The following SLC44A5 variants were observed in gnomAD, a reference collection of about 807,000 sequenced individuals.
SLC44A5 encodes the protein choline transporter-like protein 5.
In SLC44A5, 57 loss-of-function variants were observed where a neutral mutation model predicts 101.8. That is an observed-to-expected ratio of 0.56 (90% CI 0.45 to 0.70). SLC44A5 has a LOEUF of 0.70. Among genes scored for constraint, SLC44A5 ranks in the 30% least tolerant of loss-of-function variants. The probability of loss-of-function intolerance (pLI) is 0.00; values close to 1 mark genes in which losing one functional copy is unlikely to be tolerated. For synonymous variants in SLC44A5, 281 were observed against 290.9 expected (o/e 0.97, Z 0.35); for missense variants, 737 against 853.1 (o/e 0.86, Z 1.70).
At chr1:75,495,696 C>A (rs1451775095) in intron 2 of SLC44A5, among the ~76,000 whole-genome samples, 3 of 150,818 alleles carry the variant, frequency 2.0e-5, no homozygotes, top group Non-Finnish European at 4.4e-5. Flanking sequence ...GTCAAAAAAG[C>A]AAAAAGAAAA....
chr1:75,374,463 C>T (rs568731683), intron 3 of SLC44A5, among the ~76,000 whole-genome samples: 7 of 152,284 alleles, frequency 4.6e-5, no homozygotes, highest in African/African-American at 1.7e-4. Flanking sequence ...ACCAAAGCCC[C>T]ACTTGATGCT....
chr1:75,623,228 C>T, the SLC44A5 span, among the ~76,000 whole-genome samples: 1 of 151,960 alleles, frequency 6.6e-6, no homozygotes, highest in Non-Finnish European at 1.5e-5. Context: ...AAACAAAAAA[C>T]ATAGTGCTAT....
At chr1:75,470,409 T>C (rs1178884530) in intron 2 of SLC44A5, among the ~76,000 whole-genome samples, 1 of 152,220 alleles carries the variant, frequency 6.6e-6, no homozygotes, top group Non-Finnish European at 1.5e-5. Flanking sequence ...GAAATAATCC[T>C]TCCACAAAAG....
At chr1:75,442,715 T>C (rs922490710) in intron 2 of SLC44A5, among the ~76,000 whole-genome samples, 2 of 152,138 alleles carry the variant, frequency 1.3e-5, no homozygotes, top group African/African-American at 4.8e-5. Context: ...ACTCTTTCAC[T>C]TACTGCAAGA....
chr1:75,483,782 G>C (rs1668003031), intron 2 of SLC44A5, among the ~76,000 whole-genome samples: 1 of 152,134 alleles, frequency 6.6e-6, no homozygotes, highest in South Asian at 2.1e-4. Context: ...AATTTATAAG[G>C]AAAAGAGGTT....
At chr1:75,627,739 A>G in the SLC44A5 span, among the ~76,000 whole-genome samples, 2 of 151,754 alleles carry the variant, frequency 1.3e-5, no homozygotes, top group Non-Finnish European at 2.9e-5. Flanking sequence ...TATTTAATAA[A>G]TACTTTTTAA....
At chr1:75,391,292 A>T (rs999695353) in intron 3 of SLC44A5, among the ~76,000 whole-genome samples, 2 of 152,198 alleles carry the variant, frequency 1.3e-5, no homozygotes, top group African/African-American at 4.8e-5. Context: ...AGCAATATAC[A>T]GATTCAACAT....
At chr1:75,536,953 C>T (rs1218166498) in intron 2 of SLC44A5, among the ~76,000 whole-genome samples, 1 of 122,804 alleles carries the variant, frequency 8.1e-6, no homozygotes, top group Non-Finnish European at 1.6e-5. Flanking sequence ...TTGCAGTGAG[C>T]CGAGATCCCG....
chr1:75,491,548 A>C (rs1213652167), intron 2 of SLC44A5, among the ~76,000 whole-genome samples: 1 of 152,196 alleles, frequency 6.6e-6, no homozygotes, highest in Admixed American at 6.5e-5. Flanking sequence ...AGGTGAGATA[A>C]AATATTGGAT....
intron 7 of SLC44A5, among the ~76,000 whole-genome samples, chr1:75,248,428 A>G (rs1048516203): frequency 6.6e-6 from 1 of 152,150 alleles, no homozygotes; most frequent in Non-Finnish European, 1.5e-5. Flanking sequence ...TTAGAAGCAC[A>G]GGCAGTTCAC....
chr1:75,629,796 T>G, the SLC44A5 span, among the ~76,000 whole-genome samples: 3 of 152,126 alleles, frequency 2.0e-5, no homozygotes, highest in Non-Finnish European at 2.9e-5. Context: ...CAGTGCTTCA[T>G]GATATAAAAG....
the SLC44A5 span, among the ~76,000 whole-genome samples, chr1:75,632,801 T>G: frequency 3.3e-5 from 5 of 152,266 alleles, no homozygotes; most frequent in East Asian, 9.7e-4. Flanking sequence ...TTACCTAACA[T>G]CTCTGCTGAT....
At chr1:75,299,356 A>G (rs1654236414) in intron 5 of SLC44A5, among the ~76,000 whole-genome samples, 1 of 152,102 alleles carries the variant, frequency 6.6e-6, no homozygotes, top group Non-Finnish European at 1.5e-5. Flanking sequence ...TTTGCATGGC[A>G]ATATTGAGAT....
At chr1:75,386,128 A>G (rs1409478189) in intron 3 of SLC44A5, among the ~76,000 whole-genome samples, 2 of 151,804 alleles carry the variant, frequency 1.3e-5, no homozygotes, top group Non-Finnish European at 3.0e-5. Context: ...AACTGGAAGC[A>G]TTCCCTTTGA....
At position 75,547,590 on chromosome 1, in the gene SLC44A5, A is replaced by G. The variant is rs1173208431; in HGVS notation, c.-69-6074T>C. 2.0e-5 allele frequency among the ~76,000 whole-genome samples: 3 copies of G among 152,176 alleles called. No homozygotes were observed. In the East Asian group the frequency reaches 5.8e-4, roughly 29 times the overall value. On this transcript the variant is annotated intron_variant, in intron 1 of 23. Transcript: ENST00000370859. ...GCAACAGTTTTTGGGGATGCTCAAG[A>G]CATTTTGCTTTTTGAGTCTTTGTTG...
At chr1:75,336,582 G>A (rs1425827293) in intron 4 of SLC44A5, among the ~76,000 whole-genome samples, 1 of 152,198 alleles carries the variant, frequency 6.6e-6, no homozygotes, top group Non-Finnish European at 1.5e-5. Flanking sequence ...AACCCGAGAT[G>A]ATAATATGTG....
At chr1:75,407,724 A>C (rs1410879834) in intron 2 of SLC44A5, among the ~76,000 whole-genome samples, 2 of 152,246 alleles carry the variant, frequency 1.3e-5, no homozygotes, top group Non-Finnish European at 2.9e-5. Flanking sequence ...GATGGATTAA[A>C]GTCTTAAATG....
chr1:75,340,199 T>G (rs1398139865), intron 3 of SLC44A5, among the ~76,000 whole-genome samples: 1 of 152,246 alleles, frequency 6.6e-6, no homozygotes, highest in East Asian at 1.9e-4. Context: ...TCATGCCATC[T>G]GGGAAGGTGC....
intron 1 of SLC44A5, among the ~76,000 whole-genome samples, chr1:75,543,215 A>C (rs1021986429): frequency 2.0e-5 from 3 of 152,178 alleles, no homozygotes; most frequent in African/African-American, 7.2e-5. Context: ...TGTTGTTACA[A>C]GCTGAACATC....
Sources: gnomAD v4.1 joint callset for allele counts (sites outside exome capture counted in the v4.1 genomes callset) on GRCh38, gnomAD v4.1.1 for gene constraint, MANE v1.5 for transcripts, NCBI Gene and HGNC (gene_info 2026-07-23, HGNC 2026-07-21) for gene names.